The following RNF32 variants were observed in gnomAD, a reference collection of about 807,000 sequenced individuals.
The protein encoded by RNF32 is ring finger protein 32.
A neutral mutation model predicts 41.0 loss-of-function variants in RNF32; 36 were observed. The ratio of observed to expected loss-of-function variants is 0.88; its 90% CI spans 0.67 to 1.16. RNF32 has a LOEUF of 1.16. RNF32 is among the 50% of genes most tolerant of loss of function. The pLI, the probability that RNF32 is intolerant of heterozygous loss-of-function variation, is 0.00. For missense variants in RNF32, 413 were observed against 436.7 expected (o/e 0.95, Z 0.48); for synonymous variants, 154 against 160.9 (o/e 0.96, Z 0.32).
chr7:156,676,387 C>T (rs1804044928), intron 8 of RNF32, 32 bp from the exon 9 acceptor site: 2 of 1,614,036 alleles, frequency 1.2e-6, no homozygotes, highest in Non-Finnish European at 1.7e-6. Flanking sequence ...GAAACTAACC[C>T]GCGTGGCCTC....
intron 3 of RNF32, among the ~76,000 whole-genome samples, chr7:156,652,030 G>T (rs190741265): frequency 4.6e-5 from 7 of 152,114 alleles, no homozygotes; most frequent in African/African-American, 1.4e-4. Flanking sequence ...TCGTAGTGGC[G>T]ACGCTTCTCT....
At chr7:156,660,356 T>G (rs901193778) in intron 7 of RNF32, 1 of 934,606 alleles carries the variant, frequency 1.1e-6, no homozygotes, top group African/African-American at 1.8e-5. Flanking sequence ...TTCTAGCTTG[T>G]ATATTACAAA....
intron 4 of RNF32, among the ~76,000 whole-genome samples, chr7:156,656,092 A>AT: frequency 6.6e-6 from 1 of 152,282 alleles, no homozygotes; most frequent in East Asian, 1.9e-4. Flanking sequence ...AATAGTTGGC[A>AT]TTTTTATAAC....
intron 3 of RNF32, among the ~76,000 whole-genome samples, chr7:156,650,327 C>T (rs1237455544): frequency 6.6e-6 from 1 of 152,200 alleles, no homozygotes; most frequent in Admixed American, 6.5e-5. Flanking sequence ...CCTTCCGCTT[C>T]ACCTGAGACG....
chr7:156,649,292 C>T (rs1798388539), intron 3 of RNF32, among the ~76,000 whole-genome samples: 1 of 152,124 alleles, frequency 6.6e-6, no homozygotes, highest in Admixed American at 6.5e-5. Context: ...TAGCATCTCA[C>T]ACCATTTAGG....
intron 8 of RNF32, 53 bp from the exon 9 acceptor site, chr7:156,676,366 T>A: frequency 6.2e-7 from 1 of 1,613,794 alleles, no homozygotes; most frequent in African/African-American, 1.3e-5. Context: ...TAAGTAACTT[T>A]CTGCTGTGAT....
Position 156,676,778 on chromosome 7 carries a change from G to A in RNF32, c.*123G>A. On this transcript the variant is annotated 3_prime_UTR_variant, in exon 9 of 9. Transcript: ENST00000317955. Reference sequence around the variant, plus strand: ...CTGTTTCCCAGGGAAATAAGCTATTGGTAGTTGTAGGAAATCTTAGTATAT... The same window carrying A: ...CTGTTTCCCAGGGAAATAAGCTATTAGTAGTTGTAGGAAATCTTAGTATAT... The A allele has an allele frequency of 1.5e-6, 1 of 686,148 alleles. No individual in the cohort carries two copies. 42.5% of individuals were successfully genotyped at this position (686,148 alleles called of 1,614,324 possible).
chr7:156,665,852 G>T (rs36060475), intron 7 of RNF32, among the ~76,000 whole-genome samples: 11,422 of 152,192 alleles, frequency 0.075, 500 homozygotes, highest in East Asian at 0.22. Context: ...AAAACACCAC[G>T]TACCATCAGA....
chr7:156,644,954 G>A (rs954096069), intron 3 of RNF32, among the ~76,000 whole-genome samples, 197 bp downstream of exon 3: 14 of 151,992 alleles, frequency 9.2e-5, no homozygotes, highest in Non-Finnish European at 1.8e-4. Context: ...AGATAGTAAT[G>A]GTAAGTAGAA....
chr7:156,675,945 C>A, intron 8 of RNF32, 82 bp downstream of exon 8: 2 of 1,390,206 alleles, frequency 1.4e-6, no homozygotes, highest in South Asian at 2.5e-5. Flanking sequence ...GGGGGGAGGT[C>A]GAGGACTCAC....
intron 7 of RNF32, among the ~76,000 whole-genome samples, chr7:156,662,042 T>A (rs1238031280): frequency 6.6e-6 from 1 of 152,148 alleles, no homozygotes; most frequent in Non-Finnish European, 1.5e-5. Flanking sequence ...CCATAAACAC[T>A]TGAAATCTGT....
At position 156,644,611 on chromosome 7, in the gene RNF32, A is replaced by T. The variant is rs528157404; in HGVS notation, c.128A>T (p.Gln43Leu). ...NLSVADHSKT[Q>L]VQKKENKSLK... The stretch of plus-strand genomic sequence containing the variant: ...TCAGTTGCAGATCATTCTAAGACAC[A>T]AGTACAAAAGAAAGAGAACAAATCT... The change falls in exon 3 of 9, where the codon CAA becomes CTA. Residue 43 changes from glutamine (Q) to leucine (L), a missense_variant. Gln to Leu is a moderately radical substitution (Grantham distance 113). Coordinates refer to ENST00000317955, the MANE Select transcript of RNF32 (RefSeq NM_030936.4). 123 of 1,613,596 alleles carry T rather than the reference A, an allele frequency of 7.6e-5. No homozygotes were observed. The South Asian group carries it at 1.2e-3, about 16-fold the overall frequency.
chr7:156,658,419 A>G lies in RNF32; in HGVS notation c.576-43A>G, dbSNP rs1800074860. 3.9e-6 allele frequency: 6 copies of G among 1,540,512 alleles called. No individual in the cohort carries two copies. The South Asian group carries it at 4.5e-5, about 11-fold the overall frequency. On this transcript the variant is annotated intron_variant, in intron 6 of 8. Transcript: ENST00000317955. ...CAACTACTGAAGTATTGGTTGACAT[A>G]GAGTCATCATAAATTAGTCATTTTC... is the stretch of plus-strand genomic sequence containing the variant.
chr7:156,658,511 C>A lies in RNF32; in HGVS notation c.625C>A (p.Leu209Met), dbSNP rs201517337. The A allele has an allele frequency of 2.0e-4, 329 of 1,613,756 alleles. No homozygotes were observed. The highest frequency in any genetic ancestry group is 2.8e-4 in the Non-Finnish European group (326 of 1,179,844). ...GCVVRKWYRN[L>M]RKTVPPTDAK... Reference sequence around the variant, plus strand: ...TGTTGTTAGAAAGTGGTACAGAAACCTGAGGAAAACAGTACCTCCCACAGA... The same window carrying A: ...TGTTGTTAGAAAGTGGTACAGAAACATGAGGAAAACAGTACCTCCCACAGA... The change falls in exon 7 of 9, where the codon CTG (leucine) becomes ATG (methionine). Residue 209 changes from leucine to methionine, a missense_variant. By Grantham distance (15) the Leu-to-Met change is conservative. Coordinates refer to ENST00000317955, the MANE Select transcript of RNF32 (RefSeq NM_030936.4).
rs906565805 is a variant in RNF32, at chr7:156,670,084, T to C, written c.685-5612T>C. Among the ~76,000 whole-genome samples, 5 of 152,280 alleles carry C rather than the reference T, an allele frequency of 3.3e-5. No individual in the cohort carries two copies. The highest frequency in any genetic ancestry group is 3.3e-4 in the Admixed American group (5 of 15,292). On this transcript the variant is annotated intron_variant, in intron 7 of 8. Transcript: ENST00000317955. This position sits in a 1 kb window ranked among gnomAD's most constrained non-coding sequence, Gnocchi z 4.3. The stretch of plus-strand genomic sequence containing the variant: ...GTTATTCTAAGAAAAAATTAAATTA[T>C]AAATTTTATGACTTTCACAGTGCAT...
chr7:156,652,888 G>A (rs1421662187), intron 3 of RNF32, among the ~76,000 whole-genome samples: 1 of 152,018 alleles, frequency 6.6e-6, no homozygotes, highest in Non-Finnish European at 1.5e-5. Flanking sequence ...ATCACTACGT[G>A]CTAGCCTGGA....
intron 7 of RNF32, among the ~76,000 whole-genome samples, chr7:156,663,008 C>T (rs893828541): frequency 1.3e-5 from 2 of 151,914 alleles, no homozygotes; most frequent in East Asian, 1.9e-4. Context: ...CCACCATGCC[C>T]GGCTAATTGT....
chr7:156,643,368 AGCATATCAT>A (rs769747323), intron 1 of RNF32, among the ~76,000 whole-genome samples: 1 of 152,154 alleles, frequency 6.6e-6, no homozygotes, highest in Non-Finnish European at 1.5e-5. Flanking sequence ...CCCCAAAATA[AGCATATCAT>A]GCTGATTTCC....
At chr7:156,674,000 TC>T (rs35528114) in intron 7 of RNF32, among the ~76,000 whole-genome samples, 2 of 152,084 alleles carry the variant, frequency 1.3e-5, no homozygotes, top group African/African-American at 4.8e-5. Flanking sequence ...AAATGCATTT[TC>T]CCCATCACAT....
Sources: allele counts gnomAD v4.1 joint callset (sites outside exome capture counted in the v4.1 genomes callset), GRCh38; gene constraint gnomAD v4.1.1; non-coding constraint Gnocchi (gnomAD v3.1); transcripts MANE v1.5; gene names NCBI Gene and HGNC (gene_info 2026-07-23, HGNC 2026-07-21).